The following SOAT1 variants were observed in gnomAD, a reference collection of about 807,000 sequenced individuals.
SOAT1 encodes sterol O-acyltransferase 1.
Under a neutral mutation model 69.5 loss-of-function variants are expected in SOAT1, and 55 were observed. The ratio of observed to expected loss-of-function variants is 0.79; its 90% confidence interval spans 0.64 to 0.99. The LOEUF (loss-of-function observed/expected upper bound fraction) is 0.99. Among genes scored for constraint, SOAT1 ranks in the 50% least tolerant of loss-of-function variants. The probability of loss-of-function intolerance (pLI) is 0.00; values close to 1 mark genes in which losing one functional copy is unlikely to be tolerated. For missense variants in SOAT1, 580 were observed against 669.3 expected (o/e 0.87, Z 1.47); for synonymous variants, 231 against 224.7 (o/e 1.03, Z -0.25).
In SOAT1 at chr1:179,353,911, G is replaced by T; in HGVS notation, c.*270G>T. 1 of 414,152 alleles carries T rather than the reference G, an allele frequency of 2.4e-6. No homozygotes were observed. The allele number at this position is 414,152 out of a possible 1,614,324, so 25.7% of individuals were successfully genotyped here. A position where few individuals can be genotyped will look rare whatever the true frequency, so the allele number is the denominator to read the frequency against. On this transcript the variant is annotated 3_prime_UTR_variant, in exon 16 of 16. Transcript: ENST00000367619. Reference sequence around the variant, plus strand: ...CTGAAGTAATGACAGATTGTTGCTGGGTCATATCAGCTTTATCCCTTGGTA... The same window carrying T: ...CTGAAGTAATGACAGATTGTTGCTGTGTCATATCAGCTTTATCCCTTGGTA...
intron 4 of SOAT1, 123 bp from the exon 5 acceptor site, chr1:179,337,714 G>A: frequency 1.6e-6 from 1 of 611,468 alleles, no homozygotes; most frequent in Non-Finnish European, 2.8e-6. Context: ...AATCCTAGTA[G>A]TGAAAAGGTC....
chr1:179,317,553 T>C (rs150670640), intron 2 of SOAT1, among the ~76,000 whole-genome samples: 4 of 147,200 alleles, frequency 2.7e-5, no homozygotes, highest in Non-Finnish European at 4.5e-5. Flanking sequence ...AAAAAAATAC[T>C]TAAGCTATTA....
intron 15 of SOAT1, among the ~76,000 whole-genome samples, chr1:179,352,057 T>C (rs934514652): frequency 2.0e-5 from 3 of 151,124 alleles, no homozygotes; most frequent in African/African-American, 7.3e-5. Context: ...ATGTCCCTAC[T>C]ACCACCACCT....
At chr1:179,336,658 T>C (rs572672072) in intron 4 of SOAT1, among the ~76,000 whole-genome samples, 2 of 152,248 alleles carry the variant, frequency 1.3e-5, no homozygotes, top group South Asian at 2.1e-4. Context: ...CAAAATTACA[T>C]AGCAGGGATT....
At chr1:179,336,532 G>C (rs1666164248) in intron 4 of SOAT1, among the ~76,000 whole-genome samples, 1 of 150,566 alleles carries the variant, frequency 6.6e-6, no homozygotes, top group African/African-American at 2.4e-5. Context: ...CACTTGCTGA[G>C]TGCTCTACAT....
intron 2 of SOAT1, among the ~76,000 whole-genome samples, chr1:179,321,056 G>A (rs1441220473): frequency 6.6e-6 from 1 of 152,054 alleles, no homozygotes; most frequent in Non-Finnish European, 1.5e-5. Context: ...ATAGGTGTCT[G>A]CCACCATGCC....
chr1:179,350,326 A>G lies in SOAT1; in HGVS notation c.1345A>G (p.Met449Val), dbSNP rs150470891. The stretch of plus-strand genomic sequence containing the variant: ...CTCCAAGAGATTCAAATCTGCTGCC[A>G]TGTTAGCTGTCTTTGCTGTATCTGC... Reference protein sequence around the residue: ...FFSKRFKSAAMLAVFAVSAVV... With the variant: ...FFSKRFKSAAVLAVFAVSAVV... Residue 449 changes from methionine (M) to valine (V), a missense_variant, in exon 14 of 16, where the codon ATG becomes GTG. Met to Val is a conservative substitution (Grantham distance 21). Transcript: ENST00000367619. 13 of 1,613,200 alleles carry G rather than the reference A, an allele frequency of 8.1e-6. No individual in the cohort carries two copies. Among genetic ancestry groups the G allele is most frequent in the Non-Finnish European group, 1.1e-5 (13 of 1,179,830 alleles).
At chr1:179,331,405 G>T (rs1030288803) in intron 3 of SOAT1, among the ~76,000 whole-genome samples, 3 of 152,096 alleles carry the variant, frequency 2.0e-5, no homozygotes, top group Non-Finnish European at 4.4e-5. Flanking sequence ...TATGCAAAAT[G>T]CATGAGCAAG....
At chr1:179,342,257 C>A in intron 8 of SOAT1, 65 bp downstream of exon 8, 1 of 847,652 alleles carries the variant, frequency 1.2e-6, no homozygotes. Context: ...ACCCCATTCC[C>A]TTCCCTTCCC....
At chr1:179,332,586 A>G (rs1666006889) in intron 3 of SOAT1, among the ~76,000 whole-genome samples, 1 of 151,926 alleles carries the variant, frequency 6.6e-6, no homozygotes, top group Admixed American at 6.6e-5. Flanking sequence ...CTCTCCATCC[A>G]TCTGTCATGG....
At chr1:179,353,199 TTATATATAAATA>T (rs199999840) in intron 15 of SOAT1, among the ~76,000 whole-genome samples, 529 of 11,994 alleles carry the variant, frequency 0.044, 79 homozygotes, top group African/African-American at 0.11. Context: ...TAAATGGTGG[TTATATATAAATA>T]TATATATATA....
chr1:179,351,896 T>G (rs1211394778), intron 15 of SOAT1, among the ~76,000 whole-genome samples: 1 of 151,698 alleles, frequency 6.6e-6, no homozygotes, highest in Non-Finnish European at 1.5e-5. Flanking sequence ...ATTTTTGTAT[T>G]TTTAGTAGAG....
In SOAT1 at chr1:179,343,577, C is replaced by G. The variant is rs1666417355; in HGVS notation, c.942-13C>G. The G allele has an allele frequency of 6.2e-7, 1 of 1,603,702 alleles. No homozygotes were observed. The highest frequency in any genetic ancestry group is 1.3e-5 in the African/African-American group (1 of 74,666). On this transcript the variant is annotated splice_polypyrimidine_tract_variant and intron_variant, in intron 9 of 15. Transcript: ENST00000367619. ...TTATTTAGAAACCTTATTTTTGTTT[C>G]TTTCTTTTTCAGGAATCCCACTGTA... is the stretch of plus-strand genomic sequence containing the variant.
chr1:179,351,002 G>GATACCTGT (rs1666703857), intron 14 of SOAT1, among the ~76,000 whole-genome samples: 1 of 140,258 alleles, frequency 7.1e-6, no homozygotes, highest in African/African-American at 2.6e-5. Context: ...ATTATGTTTT[G>GATACCTGT]ATACCTGTAT....
chr1:179,302,812 A>AT lies in SOAT1; in HGVS notation c.118+10_118+11insT. 3 of 1,503,056 alleles carry AT rather than the reference A, an allele frequency of 2.0e-6. No homozygotes were observed. The highest frequency in any genetic ancestry group is 2.7e-6 in the Non-Finnish European group (3 of 1,111,944). The allele number at this position is 1,503,056 out of a possible 1,614,324, so 93.1% of individuals were successfully genotyped here. On this transcript the variant is annotated intron_variant, in intron 2 of 15. Coordinates refer to ENST00000367619, the MANE Select transcript of SOAT1 (RefSeq NM_003101.6). ...GAGACACCTAGTAATGGTGAGGCTTAATTTTTTTTTTTTAGGTGAATTAGT... is the reference window on the plus strand; with the variant it reads ...GAGACACCTAGTAATGGTGAGGCTTATATTTTTTTTTTTTAGGTGAATTAGT...
rs1185256105 is a variant in SOAT1, at chr1:179,356,018, G to T, written c.*2377G>T. On this transcript the variant is annotated 3_prime_UTR_variant, in exon 16 of 16. Coordinates refer to ENST00000367619, the MANE Select transcript of SOAT1 (RefSeq NM_003101.6). ...ATAATCTTATTGCTAGCTGCTTTTA[G>T]CAAAAGTCTTTTCTTGAAACCACCA... 6.6e-6 allele frequency: 1 copy of T among 152,150 alleles called. No individual in the cohort carries two copies. Among genetic ancestry groups the T allele is most frequent in the African/African-American group, 2.4e-5 (1 of 41,434 alleles). The allele number at this position is 152,150 out of a possible 1,614,324, so 9.4% of individuals were successfully genotyped here.
intron 1 of SOAT1, chr1:179,294,269 C>T (rs942546706): frequency 2.0e-5 from 3 of 152,142 alleles, no homozygotes; most frequent in African/African-American, 7.2e-5. Flanking sequence ...AAAATGCACT[C>T]AGGAAGTCAG....
chr1:179,344,899 A>G (rs1666471536), intron 10 of SOAT1, 48 bp from the exon 11 acceptor site: 1 of 1,606,844 alleles, frequency 6.2e-7, no homozygotes, highest in Non-Finnish European at 8.5e-7. Context: ...ATCGCCTTCC[A>G]TCTTATTAAG....
intron 2 of SOAT1, among the ~76,000 whole-genome samples, chr1:179,323,118 A>G (rs1480978734): frequency 8.0e-6 from 1 of 124,260 alleles, no homozygotes; most frequent in Non-Finnish European, 1.7e-5. Context: ...GTTTTTTAAT[A>G]TTTTACCCAG....
Sources: allele counts gnomAD v4.1 joint callset (sites outside exome capture counted in the v4.1 genomes callset), GRCh38; gene constraint gnomAD v4.1.1; transcripts MANE v1.5; gene names NCBI Gene and HGNC (gene_info 2026-07-23, HGNC 2026-07-21).